PCDHA11: variants seen among roughly 807,000 people sequenced by gnomAD.
The protein encoded by PCDHA11 is protocadherin alpha-11.
In PCDHA11, 61 loss-of-function variants were observed where a neutral mutation model predicts 70.3. The observed-to-expected ratio is 0.87, with a 90% CI of 0.71 to 1.07. PCDHA11 has a LOEUF of 1.07. Ranked by LOEUF, PCDHA11 falls within the 50% of genes least tolerant of loss-of-function variation. The probability of loss-of-function intolerance (pLI) is 0.00; values close to 1 mark genes in which losing one functional copy is unlikely to be tolerated. For synonymous variants in PCDHA11, 633 were observed against 555.1 expected, an observed-to-expected ratio of 1.14 and a Z score of -1.97; for missense variants, 1,324 against 1,237.5, an observed-to-expected ratio of 1.07 and a Z score of -1.05.
In PCDHA11 at chr5:140,903,111, A is replaced by G. The variant is rs1002837275; in HGVS notation, c.2391+31617A>G. ...CATTGCTGGATCAAATAATAGCTCT[A>G]CTTCTAAATCTTTAAGAAATCTCCA... On this transcript the variant is annotated intron_variant, in intron 1 of 3. Transcript: ENST00000398640. Among the ~76,000 whole-genome samples, 13 of 152,306 alleles carry G rather than the reference A, an allele frequency of 8.5e-5. No individual in the cohort carries two copies. In the East Asian group the frequency reaches 2.5e-3, roughly 29 times the overall value.
intron 1 of PCDHA11, among the ~76,000 whole-genome samples, chr5:140,963,103 G>A (rs2095737477): frequency 1.3e-5 from 2 of 151,910 alleles, no homozygotes; most frequent in South Asian, 4.1e-4. Flanking sequence ...CTGCTTTCAG[G>A]TTGCTTATAA....
chr5:140,981,670 C>T (rs1389601276), intron 2 of PCDHA11, among the ~76,000 whole-genome samples: 8 of 152,070 alleles, frequency 5.3e-5, no homozygotes, highest in Non-Finnish European at 1.0e-4. Context: ...TCCTTCCTTT[C>T]TTCCTTCCTC....
At position 140,870,883 on chromosome 5, in the gene PCDHA11, C is replaced by G; in HGVS notation, c.1780C>G (p.Arg594Gly). 1 of 1,613,920 alleles carries G rather than the reference C, an allele frequency of 6.2e-7. No homozygotes were observed. The highest frequency in any genetic ancestry group is 1.1e-5 in the South Asian group (1 of 91,082). The change falls in exon 1 of 4, where the codon CGC (arginine) becomes GGC (glycine). Residue 594 changes from arginine (R) to glycine (G), a missense_variant. By Grantham distance (125) the Arg-to-Gly change is moderately radical. Coordinates refer to ENST00000398640, the MANE Select transcript of PCDHA11 (RefSeq NM_018902.5). ...VGAGHVVAKV[R>G]AVDADSGYNA... is the part of the protein sequence containing the mutation. Reference sequence around the variant, plus strand: ...TGCGGGCCACGTGGTGGCGAAGGTGCGCGCAGTGGATGCGGACTCAGGCTA... The same window carrying G: ...TGCGGGCCACGTGGTGGCGAAGGTGGGCGCAGTGGATGCGGACTCAGGCTA...
At chr5:140,916,776 C>A (rs2153540006) in intron 1 of PCDHA11, among the ~76,000 whole-genome samples, 1 of 152,308 alleles carries the variant, frequency 6.6e-6, no homozygotes. Context: ...CACAAGCACT[C>A]CCTTAGCTGC....
At position 141,009,749 on chromosome 5, in the gene PCDHA11, A is replaced by G. The variant is rs2098414176; in HGVS notation, c.2662A>G (p.Ile888Val). Residue 888 changes from isoleucine to valine, a missense_variant, in exon 4 of 4, where the codon ATT (isoleucine) becomes GTT (valine). Ile to Val is a conservative substitution (Grantham distance 29). Transcript: ENST00000398640. ...SGPGELPDKFIIPGSPAIISI... is the reference protein window; with the variant it reads ...SGPGELPDKFVIPGSPAIISI... The stretch of plus-strand genomic sequence containing the variant: ...TCCCGGTGAGTTGCCCGACAAATTC[A>G]TTATCCCAGGATCTCCTGCAATCAT... 3 of 1,614,200 alleles carry G rather than the reference A, an allele frequency of 1.9e-6. No homozygotes were observed. The highest frequency in any genetic ancestry group is 1.6e-4 in the Middle Eastern group (1 of 6,062).
intron 2 of PCDHA11, among the ~76,000 whole-genome samples, chr5:140,981,156 T>C (rs747008016): frequency 2.9e-4 from 44 of 152,360 alleles, no homozygotes; most frequent in Admixed American, 6.5e-4. Context: ...ATTGAACTTA[T>C]ATGTTGCCTT....
At chr5:140,915,015 G>T (rs1469800021) in intron 1 of PCDHA11, among the ~76,000 whole-genome samples, 3 of 146,766 alleles carry the variant, frequency 2.0e-5, no homozygotes, top group Non-Finnish European at 4.5e-5. Flanking sequence ...GCCTGATCTT[G>T]GCTCACTGCA....
intron 1 of PCDHA11, among the ~76,000 whole-genome samples, chr5:140,943,664 T>G (rs1404337303): frequency 6.6e-6 from 1 of 151,998 alleles, no homozygotes; most frequent in Non-Finnish European, 1.5e-5. Flanking sequence ...GAACAATGTA[T>G]AAAGTGTGAA....
chr5:140,928,757 G>T (rs372744198), intron 1 of PCDHA11: 1 of 1,614,092 alleles, frequency 6.2e-7, no homozygotes, highest in African/African-American at 1.3e-5. Context: ...CGTACTGCTC[G>T]CTTAGTTCTT....
chr5:140,887,045 T>C (rs2061271952), intron 1 of PCDHA11, among the ~76,000 whole-genome samples: 1 of 152,108 alleles, frequency 6.6e-6, no homozygotes, highest in Non-Finnish European at 1.5e-5. Context: ...TTTTTTATAG[T>C]GCATATGTTC....
intron 1 of PCDHA11, among the ~76,000 whole-genome samples, chr5:140,947,932 T>G (rs1444320082): frequency 1.3e-5 from 2 of 151,584 alleles, no homozygotes; most frequent in African/African-American, 4.8e-5. Flanking sequence ...CCTGATCTTA[T>G]GAGAAAAGTG....
rs1478449575 is a variant in PCDHA11 at position 141,010,392 on chromosome 5, G to A, written c.*455G>A. The stretch of plus-strand genomic sequence containing the variant: ...GCGAGTGCCAGATATTGGCTGAGAC[G>A]AGCCAGCTTAGACTAATTGGTACAA... On this transcript the variant is annotated 3_prime_UTR_variant, in exon 4 of 4. Transcript: ENST00000398640. The A allele has an allele frequency of 8.0e-6, 11 of 1,381,722 alleles. No individual in the cohort carries two copies. The highest frequency in any genetic ancestry group is 7.3e-5 in the African/African-American group (5 of 68,772). The allele number at this position is 1,381,722 out of a possible 1,614,324, so 85.6% of individuals were successfully genotyped here. A position where few individuals can be genotyped will look rare whatever the true frequency, so the allele number is the denominator to read the frequency against.
At chr5:140,883,907 A>G (rs2059882679) in intron 1 of PCDHA11, 1 of 1,613,358 alleles carries the variant, frequency 6.2e-7, no homozygotes, top group African/African-American at 1.3e-5. Context: ...GCCTCTGGGC[A>G]GCAACGTGAC....
chr5:140,994,072 G>T (rs1587604928), intron 3 of PCDHA11, among the ~76,000 whole-genome samples: 1 of 152,242 alleles, frequency 6.6e-6, no homozygotes, highest in East Asian at 1.9e-4. Flanking sequence ...TAATGGTGAA[G>T]GGAGAAATGT....
At chr5:140,937,507 C>G (rs1427417860) in intron 1 of PCDHA11, among the ~76,000 whole-genome samples, 1 of 152,106 alleles carries the variant, frequency 6.6e-6, no homozygotes, top group Non-Finnish European at 1.5e-5. Context: ...ATCCCAGCTA[C>G]TCAGGAGGCT....
At chr5:140,883,519 C>T (rs1554178517) in intron 1 of PCDHA11, 12 of 1,614,190 alleles carry the variant, frequency 7.4e-6, no homozygotes, top group Non-Finnish European at 1.0e-5. Flanking sequence ...ACCGCGAGAG[C>T]GTATCAGCCT....
In PCDHA11 at chr5:140,882,697, A is replaced by G. The variant is rs145968658; in HGVS notation, c.2391+11203A>G. 60 of 1,614,238 alleles carry G rather than the reference A, an allele frequency of 3.7e-5. No homozygotes were observed. The African/African-American group carries it at 6.5e-4, about 18-fold the overall frequency. On this transcript the variant is annotated intron_variant, in intron 1 of 3. Transcript: ENST00000398640. ...AAAGCAAGAAACGAATAATCATTGC[A>G]GAATCTAGACCTCCGGAAACTCGAT...
chr5:140,967,756 C>T (rs1554229911), intron 1 of PCDHA11: 2 of 1,614,216 alleles, frequency 1.2e-6, no homozygotes, highest in Middle Eastern at 1.6e-4. Context: ...AAGCCTCCTC[C>T]TACCAGATCT....
At chr5:140,911,275 G>A (rs1048648150) in intron 1 of PCDHA11, among the ~76,000 whole-genome samples, 1 of 152,164 alleles carries the variant, frequency 6.6e-6, no homozygotes, top group Non-Finnish European at 1.5e-5. Context: ...AGTGTCCCCA[G>A]CTTCATCAGG....
Sources: gnomAD v4.1 joint callset for allele counts (sites outside exome capture counted in the v4.1 genomes callset) on GRCh38, gnomAD v4.1.1 for gene constraint, MANE v1.5 for transcripts, NCBI Gene and HGNC (gene_info 2026-07-23, HGNC 2026-07-21) for gene names.